The following FREM1 variants were observed in gnomAD, a reference collection of about 807,000 sequenced individuals.
FREM1 encodes the protein FRAS1 related extracellular matrix 1.
Under a neutral mutation model 210.1 loss-of-function variants are expected in FREM1, and 220 were observed. That is an observed-to-expected ratio of 1.05 (90% CI 0.94 to 1.17). The LOEUF is 1.17. Among genes scored for constraint, FREM1 ranks in the 50% most tolerant of loss-of-function variants. The pLI, the probability that FREM1 is intolerant of heterozygous loss-of-function variation, is 0.00. For missense variants in FREM1, 3,454 were observed against 2,675.5 expected, an observed-to-expected ratio of 1.29 and a Z score of -6.42; for synonymous variants, 1,189 against 980.2, an observed-to-expected ratio of 1.21 and a Z score of -3.98.
At chr9:14,849,170 G>A (rs2131349204) in intron 6 of FREM1, among the ~76,000 whole-genome samples, 1 of 152,202 alleles carries the variant, frequency 6.6e-6, no homozygotes, top group Admixed American at 6.5e-5. Context: ...AATGTCTGGA[G>A]GCATTTTTAA....
At chr9:14,776,381 G>GATTC in intron 24 of FREM1, 178 bp from the exon 25 acceptor site, 1 of 576,420 alleles carries the variant, frequency 1.7e-6, no homozygotes, top group Non-Finnish European at 2.8e-6. Context: ...CTAGAGTAAT[G>GATTC]CATAAATGGA....
At position 14,859,338 on chromosome 9, in the gene FREM1, A is replaced by G; in HGVS notation, c.476T>C (p.Leu159Pro). 1 of 1,613,788 alleles carries G rather than the reference A, an allele frequency of 6.2e-7. No individual in the cohort carries two copies. Among genetic ancestry groups the G allele is most frequent in the Non-Finnish European group, 8.5e-7 (1 of 1,179,872 alleles). The stretch of plus-strand genomic sequence containing the variant: ...AGCCATCCTATCATAATCGAATCTG[A>G]GCAGATTTTTATCAATCGCTTGGGA... ...GLSQAIDKNL[L>P]RFDYDRMASL... Residue 159 changes from leucine (L) to proline (P), a missense_variant, in exon 4 of 37, where the codon CTC becomes CCC. Physicochemically the swap from Leu to Pro is moderately conservative, Grantham distance 98 (BLOSUM62 -3). Transcript: ENST00000380880.
intron 16 of FREM1, among the ~76,000 whole-genome samples, chr9:14,810,199 T>C (rs578052916): frequency 4.9e-4 from 74 of 151,876 alleles, no homozygotes; most frequent in African/African-American, 1.7e-3. Context: ...GGAGAGGCAA[T>C]GGGGGAGAGA....
chr9:14,854,272 T>C (rs1828310709), intron 5 of FREM1, among the ~76,000 whole-genome samples: 1 of 152,116 alleles, frequency 6.6e-6, no homozygotes, highest in Non-Finnish European at 1.5e-5. Context: ...CAAGAAAGCA[T>C]AAAACATGAT....
chr9:14,807,450 C>A (rs1450858354), intron 17 of FREM1, among the ~76,000 whole-genome samples: 1 of 152,000 alleles, frequency 6.6e-6, no homozygotes, highest in African/African-American at 2.4e-5. Context: ...TTCTGAGAGA[C>A]AGAACATATA....
chr9:14,851,573 G>T lies in FREM1; in HGVS notation c.863C>A (p.Ala288Asp). 2 of 1,613,768 alleles carry T rather than the reference G, an allele frequency of 1.2e-6. No individual in the cohort carries two copies. Among genetic ancestry groups the T allele is most frequent in the East Asian group, 4.5e-5 (2 of 44,894 alleles). The change falls in exon 6 of 37, where the codon GCT (alanine) becomes GAT (aspartate). Residue 288 changes from alanine to aspartate, a missense_variant. Physicochemically the swap from Ala to Asp is moderately radical, Grantham distance 126 (BLOSUM62 -2). Transcript: ENST00000380880. ...CTTTGGAATCTGATTCGGAATTCCA[G>T]CTCTGATATAGACAGGCAGCCACGC... ...ESAWLPVYIR[A>D]GIPNQIPKAA...
At chr9:14,790,186 A>G (rs925611046) in intron 22 of FREM1, among the ~76,000 whole-genome samples, 2 of 152,180 alleles carry the variant, frequency 1.3e-5, no homozygotes, top group Non-Finnish European at 2.9e-5. Flanking sequence ...TTTTAAGTTC[A>G]TGTCAGATAG....
intron 31 of FREM1, among the ~76,000 whole-genome samples, chr9:14,748,118 A>C (rs2132021240): frequency 6.6e-6 from 1 of 152,314 alleles, no homozygotes; most frequent in East Asian, 1.9e-4. Context: ...ACTCTATTTC[A>C]GGGTCATGGA....
chr9:14,779,479 T>G (rs1418506986), intron 24 of FREM1: 1 of 985,324 alleles, frequency 1.0e-6, no homozygotes, highest in Non-Finnish European at 1.2e-6. Flanking sequence ...TGCCAGGGAC[T>G]CCATCAGAGG....
chr9:14,830,988 G>A (rs1158245581), intron 10 of FREM1, among the ~76,000 whole-genome samples: 1 of 152,150 alleles, frequency 6.6e-6, no homozygotes, highest in Non-Finnish European at 1.5e-5. Flanking sequence ...CTTATTGTTG[G>A]CTACCGTACT....
intron 6 of FREM1, 76 bp from the exon 7 acceptor site, chr9:14,848,849 C>T (rs1588348700): frequency 8.6e-6 from 7 of 812,146 alleles, no homozygotes; most frequent in South Asian, 6.7e-5. Context: ...TGGGTTATAC[C>T]CACACACAGT....
At position 14,861,060 on chromosome 9, in the gene FREM1, TACAC is replaced by T. The variant is rs1420904732; in HGVS notation, c.330-1580_330-1577del. Among the ~76,000 whole-genome samples, 243 of 70,906 alleles carry T rather than the reference TACAC, an allele frequency of 3.4e-3. 17 individuals carry two copies. Among genetic ancestry groups the T allele is most frequent in the African/African-American group, 0.016 (206 of 12,564 alleles). 46.5% of individuals were successfully genotyped at this position (70,906 alleles called of 152,430 possible). A position where few individuals can be genotyped will look rare whatever the true frequency, so the allele number is the denominator to read the frequency against. ...ATACATATATACATATATACATATA[TACAC>T]ATATACATATATACATATATACACA... is the stretch of plus-strand genomic sequence containing the variant. On this transcript the variant is annotated intron_variant, in intron 3 of 36. Transcript: ENST00000380880.
At chr9:14,874,912 C>G (rs919957340) in intron 1 of FREM1, among the ~76,000 whole-genome samples, 1 of 152,110 alleles carries the variant, frequency 6.6e-6, no homozygotes, top group Non-Finnish European at 1.5e-5. Flanking sequence ...TGTTTTATTT[C>G]TCCTTCACTT....
chr9:14,837,080 T>C (rs942018559), intron 10 of FREM1, among the ~76,000 whole-genome samples: 1 of 152,220 alleles, frequency 6.6e-6, no homozygotes, highest in Non-Finnish European at 1.5e-5. Flanking sequence ...TCCCTTGGCC[T>C]TCTTGCCCTT....
chr9:14,755,806 T>A (rs553747989), intron 29 of FREM1, among the ~76,000 whole-genome samples: 60 of 152,380 alleles, frequency 3.9e-4, no homozygotes, highest in African/African-American at 1.4e-3. Context: ...TTCTTGTCTG[T>A]GTTTCTCACA....
chr9:14,871,383 A>G (rs1454101468), intron 1 of FREM1, among the ~76,000 whole-genome samples: 1 of 152,008 alleles, frequency 6.6e-6, no homozygotes, highest in African/African-American at 2.4e-5. Context: ...TGTGGTTTTG[A>G]TTTGCATTTC....
intron 8 of FREM1, among the ~76,000 whole-genome samples, chr9:14,844,152 C>T (rs562786399): frequency 6.0e-4 from 92 of 152,186 alleles, no homozygotes; most frequent in African/African-American, 2.2e-3. Context: ...GCATTATGGT[C>T]TCCCACTCTC....
intron 13 of FREM1, 93 bp downstream of exon 13, chr9:14,823,067 C>G: frequency 1.1e-6 from 1 of 929,218 alleles, no homozygotes; most frequent in Non-Finnish European, 1.5e-6. Flanking sequence ...GTTTAAAAAA[C>G]TAGCCTAAAG....
At chr9:14,811,757 C>T (rs1819447958) in intron 16 of FREM1, among the ~76,000 whole-genome samples, 1 of 152,112 alleles carries the variant, frequency 6.6e-6, no homozygotes, top group Admixed American at 6.5e-5. Context: ...CCTTTGCTAT[C>T]TCCATCCCTC....
Sources: allele counts gnomAD v4.1 joint callset (sites outside exome capture counted in the v4.1 genomes callset), GRCh38; gene constraint gnomAD v4.1.1; transcripts MANE v1.5; gene names NCBI Gene and HGNC (gene_info 2026-07-23, HGNC 2026-07-21).